Variants in C19orf12 observed in about 807,000 individuals in gnomAD.
C19orf12 encodes protein C19orf12.
Under a neutral mutation model 3.8 loss-of-function variants are expected in C19orf12, and 2 were observed. The observed-to-expected ratio is 0.53, with a 90% CI of 0.22 to 1.66. C19orf12 has a LOEUF of 1.66. Ranked by LOEUF, C19orf12 falls within the 40% of genes most tolerant of loss-of-function variation. The pLI is 0.20. For missense variants in C19orf12, 156 were observed against 188.8 expected (o/e 0.83, Z 1.02); for synonymous variants, 89 against 84.6 (o/e 1.05, Z -0.28).
In C19orf12 at chr19:29,711,998, C is replaced by A. The variant is rs140057467; in HGVS notation, c.-11+3127G>T. ...AAAAGCAGCCTAAGAAGTCGTTGCC[C>A]TTTCAGGAAACACAGATAAGGAAGG... is the stretch of plus-strand genomic sequence containing the variant. On this transcript the variant is annotated intron_variant, in intron 1 of 2. Coordinates refer to ENST00000323670, the MANE Select transcript of C19orf12 (RefSeq NM_031448.6). Among the ~76,000 whole-genome samples, 6 of 152,306 alleles carry A rather than the reference C, an allele frequency of 3.9e-5. No homozygotes were observed. In the East Asian group the frequency reaches 1.2e-3, roughly 29 times the overall value.
upstream of C19orf12, chr19:29,715,336 C>T: frequency 2.6e-6 from 1 of 390,726 alleles, no homozygotes; most frequent in Non-Finnish European, 5.1e-6. Flanking sequence ...GCTCCTGGCT[C>T]CGAGCTGCGC....
rs1294512870 is a variant in C19orf12, at chr19:29,701,661, A to C, written c.*1051T>G. On this transcript the variant is annotated 3_prime_UTR_variant, in exon 3 of 3. Transcript: ENST00000323670. ...ACTTCAGAAAGAGCAATACAGGCAT[A>C]CCTCATTCTACTATGCTTTGTGAAT... 1 of 453,966 alleles carries C rather than the reference A, an allele frequency of 2.2e-6. No individual in the cohort carries two copies. The highest frequency in any genetic ancestry group is 4.4e-6 in the Non-Finnish European group (1 of 226,776). The allele number at this position is 453,966 out of a possible 1,614,324, so 28.1% of individuals were successfully genotyped here. A position where few individuals can be genotyped will look rare whatever the true frequency, so the allele number is the denominator to read the frequency against.
In C19orf12 at chr19:29,702,741, G is replaced by C; in HGVS notation, c.397C>G (p.Leu133Val). The C allele has an allele frequency of 6.2e-7, 1 of 1,613,900 alleles. No homozygotes were observed. The highest frequency in any genetic ancestry group is 2.2e-5 in the East Asian group (1 of 44,858). ...TCATCATACTGGATCTCGGCCCGCAGCTCCTTGGTGACGTAGTTCACCAGC... is the reference window on the plus strand; with the variant it reads ...TCATCATACTGGATCTCGGCCCGCACCTCCTTGGTGACGTAGTTCACCAGC... ...AMLVNYVTKE[L>V]RAEIQYDD Residue 133 changes from leucine to valine, a missense_variant, in exon 3 of 3, where the codon CTG becomes GTG. Transcript: ENST00000323670.
At chr19:29,715,035 C>G (rs755507285) in intron 1 of C19orf12, 90 bp downstream of exon 1, 5 of 699,260 alleles carry the variant, frequency 7.2e-6, no homozygotes, top group South Asian at 6.0e-5. Context: ...AAGGCACTCC[C>G]GGGTCTCCAG....
chr19:29,703,373 CTTTT>C (rs1972216114), intron 2 of C19orf12, among the ~76,000 whole-genome samples: 1 of 143,922 alleles, frequency 6.9e-6, no homozygotes, highest in Non-Finnish European at 1.5e-5. Flanking sequence ...TTTTCTTTTT[CTTTT>C]CTTTTTTTTT....
At chr19:29,709,235 C>T (rs1041181508) in intron 1 of C19orf12, among the ~76,000 whole-genome samples, 5 of 152,194 alleles carry the variant, frequency 3.3e-5, no homozygotes, top group African/African-American at 9.7e-5. Flanking sequence ...GACAGACGGA[C>T]GGGCGAGTAG....
intron 2 of C19orf12, among the ~76,000 whole-genome samples, 200 bp from the exon 3 acceptor site, chr19:29,703,177 C>T (rs976821182): frequency 2.0e-5 from 3 of 152,066 alleles, no homozygotes; most frequent in African/African-American, 7.2e-5. Flanking sequence ...CCATTTGGCT[C>T]AGATAATTGA....
intron 1 of C19orf12, chr19:29,714,873 G>A (rs1024405273): frequency 3.7e-6 from 2 of 539,680 alleles, no homozygotes; most frequent in Admixed American, 4.6e-5. Context: ...AGCGAGCCAG[G>A]GCCCGGGACT....
chr19:29,708,558 G>A, intron 1 of C19orf12, 135 bp from the exon 2 acceptor site: 1 of 1,104,006 alleles, frequency 9.1e-7, no homozygotes, highest in Non-Finnish European at 1.3e-6. Flanking sequence ...GCGCCTGTAT[G>A]ACAGACAGCA....
chr19:29,702,531 A>C lies in C19orf12; in HGVS notation c.*181T>G, dbSNP rs1265702810. On this transcript the variant is annotated 3_prime_UTR_variant, in exon 3 of 3. Coordinates refer to ENST00000323670, the MANE Select transcript of C19orf12 (RefSeq NM_031448.6). ...TGCCACCAACACATGCTGCTTCATC[A>C]GTAATTTCTGGAACATGACACTGCA... 1 of 839,398 alleles carries C rather than the reference A, an allele frequency of 1.2e-6. No homozygotes were observed. The highest frequency in any genetic ancestry group is 2.0e-6 in the Non-Finnish European group (1 of 505,096). The allele number at this position is 839,398 out of a possible 1,614,324, so 52.0% of individuals were successfully genotyped here. A position where few individuals can be genotyped will look rare whatever the true frequency, so the allele number is the denominator to read the frequency against.
intron 1 of C19orf12, among the ~76,000 whole-genome samples, chr19:29,708,952 G>A (rs1274787024): frequency 6.6e-6 from 1 of 152,234 alleles, no homozygotes; most frequent in Non-Finnish European, 1.5e-5. Flanking sequence ...GACGGAGACA[G>A]TCCCTACAGG....
chr19:29,708,574 A>T, intron 1 of C19orf12, 151 bp from the exon 2 acceptor site: 2 of 964,120 alleles, frequency 2.1e-6, no homozygotes, highest in Non-Finnish European at 3.2e-6. Flanking sequence ...CAGCATCCAG[A>T]CGGTGGAAAG....
In C19orf12 at chr19:29,702,738, G is replaced by C. The variant is rs1176245027; in HGVS notation, c.400C>G (p.Arg134Gly). 1.2e-6 allele frequency: 2 copies of C among 1,613,820 alleles called. No individual in the cohort carries two copies. The highest frequency in any genetic ancestry group is 1.7e-6 in the Non-Finnish European group (2 of 1,180,002). Residue 134 changes from arginine (R) to glycine (G), a missense_variant, in exon 3 of 3, where the codon CGG becomes GGG. By Grantham distance (125) the Arg-to-Gly change is moderately radical (BLOSUM62 -2). Transcript: ENST00000323670. ...MLVNYVTKEL[R>G]AEIQYDD ...TAGTCATCATACTGGATCTCGGCCC[G>C]CAGCTCCTTGGTGACGTAGTTCACC...
intron 1 of C19orf12, among the ~76,000 whole-genome samples, chr19:29,710,340 G>A (rs1430250975): frequency 6.6e-6 from 1 of 152,160 alleles, no homozygotes; most frequent in Non-Finnish European, 1.5e-5. Context: ...AGAGCATCCT[G>A]CGCTCCTGCC....
chr19:29,706,807 A>G (rs1370779127), intron 2 of C19orf12, among the ~76,000 whole-genome samples: 1 of 152,180 alleles, frequency 6.6e-6, no homozygotes, highest in Non-Finnish European at 1.5e-5. Context: ...CAATCCCACT[A>G]CAGAAGGGAA....
At chr19:29,707,363 G>T (rs1258913801) in intron 2 of C19orf12, among the ~76,000 whole-genome samples, 1 of 152,136 alleles carries the variant, frequency 6.6e-6, no homozygotes, top group Non-Finnish European at 1.5e-5. Context: ...TCTCAAAAAG[G>T]AAAGAAAAAA....
rs201194487 is a variant in C19orf12 at position 29,702,973 on chromosome 19, C to G, written c.165G>C (p.Gly55=). ...AGGCACCTAACAGCCCCCCGACAGC[C>G]CCCCCTAGAAAACATGGAATCGTTC... ...VGGPPGLAVG[G]AVGGLLGAWM... The change falls in exon 3 of 3, where the codon GGG becomes GGC. Residue 55 remains glycine, a synonymous_variant. Coordinates refer to ENST00000323670, the MANE Select transcript of C19orf12 (RefSeq NM_031448.6). 3.7e-6 allele frequency: 6 copies of G among 1,613,868 alleles called. No homozygotes were observed. Among genetic ancestry groups the G allele is most frequent in the East Asian group, 4.5e-5 (2 of 44,886 alleles).
At position 29,699,495 on chromosome 19, in the gene C19orf12, AAG is replaced by A. The variant is rs201059929; in HGVS notation, c.*3215_*3216del. ...GAGACTCCATCTCAAAAAAAAAAAA[AAG>A]AAAAAAAGAAAAAAATATATGTGTA... On this transcript the variant is annotated 3_prime_UTR_variant, in exon 3 of 3. Transcript: ENST00000323670. 3 of 417,234 alleles carry A rather than the reference AAG, an allele frequency of 7.2e-6. No homozygotes were observed. Among genetic ancestry groups the A allele is most frequent in the African/African-American group, 4.2e-5 (2 of 47,164 alleles). The allele number at this position is 417,234 out of a possible 1,614,324, so 25.8% of individuals were successfully genotyped here. A position where few individuals can be genotyped will look rare whatever the true frequency, so the allele number is the denominator to read the frequency against.
chr19:29,713,277 C>T (rs1335925785), intron 1 of C19orf12, among the ~76,000 whole-genome samples: 1 of 151,862 alleles, frequency 6.6e-6, no homozygotes, highest in Non-Finnish European at 1.5e-5. Flanking sequence ...TGTATCACAC[C>T]TATTTCACAC....
Sources: gnomAD v4.1 joint callset for allele counts (sites outside exome capture counted in the v4.1 genomes callset) on GRCh38, gnomAD v4.1.1 for gene constraint, MANE v1.5 for transcripts, NCBI Gene and HGNC (gene_info 2026-07-23, HGNC 2026-07-21) for gene names.